UBE4B: variants seen among roughly 807,000 people sequenced by gnomAD.
UBE4B encodes the protein ubiquitin conjugation factor E4 B.
UBE4B carries 27 observed loss-of-function variants against 148.1 expected under a neutral mutation model. The observed-to-expected ratio is 0.18, with a 90% CI of 0.13 to 0.25. The LOEUF (loss-of-function observed/expected upper bound fraction) is 0.25. Ranked by LOEUF, UBE4B falls within the 10% of genes least tolerant of loss-of-function variation. The pLI is 1.00. For synonymous variants in UBE4B, 596 were observed against 619.3 expected (o/e 0.96, Z 0.56); for missense variants, 1,170 against 1,662.4 (o/e 0.70, Z 5.15).
At chr1:10,113,789 G>A (rs571803878) in intron 7 of UBE4B, among the ~76,000 whole-genome samples, 46 of 152,136 alleles carry the variant, frequency 3.0e-4, no homozygotes, top group Middle Eastern at 3.4e-3. Context: ...CTTTTCGGCC[G>A]GACGCAGTGG....
chr1:10,042,352 A>C (rs1030176679), intron 1 of UBE4B, among the ~76,000 whole-genome samples: 1 of 152,142 alleles, frequency 6.6e-6, no homozygotes, highest in African/African-American at 2.4e-5. Flanking sequence ...GAGGAGAGGG[A>C]TAAAAAACAA....
At chr1:10,110,901 T>G (rs970111289) in intron 7 of UBE4B, among the ~76,000 whole-genome samples, 1 of 151,828 alleles carries the variant, frequency 6.6e-6, no homozygotes, top group African/African-American at 2.4e-5. Context: ...GAGGCCGAGG[T>G]GGGAGGCTTG....
chr1:10,107,516 A>C (rs1645135257), intron 7 of UBE4B: 1 of 840,484 alleles, frequency 1.2e-6, no homozygotes, highest in African/African-American at 1.9e-5. Context: ...TGATGTGTTC[A>C]GACCTTCTCA....
intron 7 of UBE4B, among the ~76,000 whole-genome samples, chr1:10,107,989 T>C (rs1645145675): frequency 6.6e-6 from 1 of 152,252 alleles, no homozygotes; most frequent in Non-Finnish European, 1.5e-5. Context: ...TATCCACCTT[T>C]AGATCTAAAA....
In UBE4B at chr1:10,156,382, G is replaced by A. The variant is rs566050252; in HGVS notation, c.2927-1974G>A. 2.0e-4 allele frequency among the ~76,000 whole-genome samples: 30 copies of A among 151,966 alleles called. No homozygotes were observed. The South Asian group carries it at 6.0e-3, about 31-fold the overall frequency. ...AGCCTCCCCTGTAGCTGGGACTGCAGGCATGTGCCACCACACCCAGCTAAT... is the reference window on the plus strand; with the variant it reads ...AGCCTCCCCTGTAGCTGGGACTGCAAGCATGTGCCACCACACCCAGCTAAT... On this transcript the variant is annotated intron_variant, in intron 21 of 27. Coordinates refer to ENST00000343090, the MANE Select transcript of UBE4B (RefSeq NM_001105562.3).
chr1:10,135,606 C>T (rs754754743), intron 16 of UBE4B, among the ~76,000 whole-genome samples: 10 of 151,608 alleles, frequency 6.6e-5, no homozygotes, highest in South Asian at 2.1e-4. Flanking sequence ...TGTGGTGGCA[C>T]GCACCTGTAA....
In UBE4B at chr1:10,119,594, G is replaced by A. The variant is rs1645378204; in HGVS notation, c.1420G>A (p.Gly474Ser). 6.2e-7 allele frequency: 1 copy of A among 1,613,186 alleles called. No individual in the cohort carries two copies. Among genetic ancestry groups the A allele is most frequent in the Non-Finnish European group, 8.5e-7 (1 of 1,179,386 alleles). ...CISHTALVLQ[G>S]SLTQPRSLQQ... ...ATCCCATACTGCTTTAGTACTACAAGGCTCCCTAACACAGCCCAGGTATGA... is the reference window on the plus strand; with the variant it reads ...ATCCCATACTGCTTTAGTACTACAAAGCTCCCTAACACAGCCCAGGTATGA... The change falls in exon 9 of 28, where the codon GGC becomes AGC. Residue 474 changes from glycine to serine, a missense_variant. This residue lies in a region of UBE4B where 388 missense variants were observed against 536.0 expected (regional missense o/e 0.72). Transcript: ENST00000343090.
intron 26 of UBE4B, chr1:10,179,103 A>G: frequency 2.1e-6 from 1 of 467,318 alleles, no homozygotes; most frequent in Admixed American, 3.9e-5. Context: ...GAATTCCCAG[A>G]AGTCCTAAGA....
chr1:10,039,548 G>A (rs931250176), intron 1 of UBE4B, among the ~76,000 whole-genome samples: 1 of 151,976 alleles, frequency 6.6e-6, no homozygotes, highest in South Asian at 2.1e-4. Flanking sequence ...TCCTGCCTCA[G>A]CCTCCCAAGT....
At position 10,106,379 on chromosome 1, in the gene UBE4B, G is replaced by T; in HGVS notation, c.992G>T (p.Arg331Leu). The T allele has an allele frequency of 1.2e-6, 2 of 1,612,468 alleles. No homozygotes were observed. The highest frequency in any genetic ancestry group is 2.2e-5 in the East Asian group (1 of 44,814). ...AGCCAGCCTTCATCCCCGCGGTATC[G>T]CCCCTACACTGTCACTCACCCATGG... is the stretch of plus-strand genomic sequence containing the variant. The part of the protein sequence containing the change: ...AGSQPSSPRY[R>L]PYTVTHPWAS... Residue 331 changes from arginine (R) to leucine (L), a missense_variant, in exon 7 of 28, where the codon CGC becomes CTC. Transcript: ENST00000343090. The surrounding 1 kb of genome is among the most constrained non-coding windows in gnomAD (Gnocchi z 4.2).
intron 1 of UBE4B, chr1:10,059,298 C>T (rs1644240083): frequency 6.4e-6 from 1 of 155,120 alleles, no homozygotes; most frequent in Admixed American, 6.5e-5. Flanking sequence ...TATACAGCAA[C>T]AGCAGCAAGG....
chr1:10,125,607 A>G (rs748584350), intron 10 of UBE4B, among the ~76,000 whole-genome samples: 13 of 152,220 alleles, frequency 8.5e-5, no homozygotes, highest in African/African-American at 1.4e-4. Flanking sequence ...GTATACTCCT[A>G]TTACAACTTG....
intron 14 of UBE4B, among the ~76,000 whole-genome samples, chr1:10,131,874 A>T (rs1032713961): frequency 6.6e-6 from 1 of 152,034 alleles, no homozygotes; most frequent in African/African-American, 2.4e-5. Context: ...AATCGCTTGA[A>T]ACCGGGAGGC....
chr1:10,179,133 G>A (rs996269577), intron 26 of UBE4B: 33 of 485,020 alleles, frequency 6.8e-5, no homozygotes, highest in African/African-American at 2.8e-4. Flanking sequence ...CCAGCCTGCC[G>A]TCCTCGCCAC....
intron 16 of UBE4B, 95 bp from the exon 17 acceptor site, chr1:10,136,972 A>G: frequency 7.4e-7 from 1 of 1,348,200 alleles, no homozygotes; most frequent in Non-Finnish European, 1.0e-6. Flanking sequence ...AAACTTCATA[A>G]AAATTCAAAT....
chr1:10,106,114 G>A lies in UBE4B; in HGVS notation c.810-83G>A, dbSNP rs769116297. The A allele has an allele frequency of 1.1e-4, 156 of 1,430,820 alleles. No homozygotes were observed. Among genetic ancestry groups the A allele is most frequent in the Non-Finnish European group, 1.4e-4 (153 of 1,061,094 alleles). The allele number at this position is 1,430,820 out of a possible 1,614,324, so 88.6% of individuals were successfully genotyped here. A position where few individuals can be genotyped will look rare whatever the true frequency, so the allele number is the denominator to read the frequency against. On this transcript the variant is annotated intron_variant, in intron 6 of 27. Coordinates refer to ENST00000343090, the MANE Select transcript of UBE4B (RefSeq NM_001105562.3). The surrounding 1 kb of genome is among the most constrained non-coding windows in gnomAD (Gnocchi z 4.2). ...GAACTGAAATGATTCTCCTTTAAAA[G>A]CTTGATATTTTCTGTTTTAGTTAGT... is the stretch of plus-strand genomic sequence containing the variant.
intron 27 of UBE4B, 35 bp from the exon 28 acceptor site, chr1:10,179,860 C>A (rs777293406): frequency 1.2e-6 from 2 of 1,610,732 alleles, no homozygotes; most frequent in Admixed American, 1.7e-5. Flanking sequence ...GCCCTCCCAT[C>A]TGGGGCATTA....
At chr1:10,087,795 G>T (rs1220657018) in intron 2 of UBE4B, among the ~76,000 whole-genome samples, 3 of 152,058 alleles carry the variant, frequency 2.0e-5, no homozygotes, top group African/African-American at 7.2e-5. Context: ...CTTTGGTATC[G>T]AGTTCCTAAG....
intron 25 of UBE4B, 93 bp from the exon 26 acceptor site, chr1:10,178,551 C>A: frequency 2.2e-6 from 3 of 1,334,138 alleles, no homozygotes; most frequent in East Asian, 2.6e-5. Flanking sequence ...GGGGGAAAAT[C>A]CACAAATGGA....
Sources: allele counts gnomAD v4.1 joint callset (sites outside exome capture counted in the v4.1 genomes callset), GRCh38; gene constraint gnomAD v4.1.1; regional missense constraint gnomAD v4.1.1; non-coding constraint Gnocchi (gnomAD v3.1); transcripts MANE v1.5; gene names NCBI Gene and HGNC (gene_info 2026-07-23, HGNC 2026-07-21).